SIL1: variants seen among roughly 807,000 people sequenced by gnomAD.
The protein encoded by SIL1 is SIL1 nucleotide exchange factor, also known as nucleotide exchange factor SIL1.
Under a neutral mutation model 49.1 loss-of-function variants are expected in SIL1, and 40 were observed. The ratio of observed to expected loss-of-function variants is 0.81; its 90% CI spans 0.63 to 1.06. SIL1 has a LOEUF of 1.06. SIL1 is among the 50% of genes least tolerant of loss of function. The pLI is 0.00. For missense variants in SIL1, 500 were observed against 572.6 expected (o/e 0.87, Z 1.29); for synonymous variants, 253 against 250.8 (o/e 1.01, Z -0.08).
chr5:139,113,713 C>A (rs1030419271), intron 3 of SIL1, among the ~76,000 whole-genome samples: 1 of 152,218 alleles, frequency 6.6e-6, no homozygotes, highest in Admixed American at 6.5e-5. Flanking sequence ...TTAGTCTTAA[C>A]CGTGGAGATG....
intron 4 of SIL1, among the ~76,000 whole-genome samples, chr5:139,050,381 C>T (rs1474752951): frequency 3.9e-5 from 6 of 152,144 alleles, no homozygotes; most frequent in Admixed American, 1.3e-4. Context: ...AAAATAGTGA[C>T]ACTGAATTCT....
chr5:139,061,211 T>A (rs1170281899), intron 3 of SIL1, among the ~76,000 whole-genome samples: 1 of 152,224 alleles, frequency 6.6e-6, no homozygotes, highest in Non-Finnish European at 1.5e-5. Context: ...GGACTCCCAG[T>A]GACAGGGCCT....
intron 1 of SIL1, among the ~76,000 whole-genome samples, chr5:139,197,458 C>T (rs1752299381): frequency 6.6e-6 from 1 of 152,092 alleles, no homozygotes; most frequent in African/African-American, 2.4e-5. Flanking sequence ...CGAAGCCAGG[C>T]ATTTAAGAAT....
intron 3 of SIL1, among the ~76,000 whole-genome samples, chr5:139,067,077 G>A (rs550705368): frequency 2.0e-5 from 3 of 152,290 alleles, no homozygotes; most frequent in Admixed American, 6.5e-5. Context: ...AATGTCCATT[G>A]TGTATATGTT....
chr5:139,177,320 A>G (rs1174063827), intron 1 of SIL1, among the ~76,000 whole-genome samples: 1 of 151,734 alleles, frequency 6.6e-6, no homozygotes, highest in Admixed American at 6.6e-5. Context: ...GCTCACTGCA[A>G]CCTCCGCCTC....
rs937034861 is a variant in SIL1 at position 139,037,101 on chromosome 5, G to A, written c.453+5519C>T. Reference sequence around the variant, plus strand: ...CCTTTCACTCCTGAAATATATTCACGGCTATAAAATTCTGTGTGGACAGTT... The same window carrying A: ...CCTTTCACTCCTGAAATATATTCACAGCTATAAAATTCTGTGTGGACAGTT... On this transcript the variant is annotated intron_variant, in intron 5 of 9. Transcript: ENST00000394817. Among the ~76,000 whole-genome samples, 28 of 148,510 alleles carry A rather than the reference G, an allele frequency of 1.9e-4. 2 individuals are homozygous for A. Among genetic ancestry groups the A allele is most frequent in the African/African-American group, 6.6e-4 (25 of 38,014 alleles).
At chr5:139,020,701 A>G (rs1334955365) in intron 7 of SIL1, among the ~76,000 whole-genome samples, 1 of 152,200 alleles carries the variant, frequency 6.6e-6, no homozygotes, top group African/African-American at 2.4e-5. Flanking sequence ...GAAATTCTCA[A>G]CAATTTCCAA....
intron 7 of SIL1, among the ~76,000 whole-genome samples, chr5:139,017,480 C>T (rs543804794): frequency 6.6e-6 from 1 of 152,142 alleles, no homozygotes; most frequent in African/African-American, 2.4e-5. Flanking sequence ...GTACTGCAAA[C>T]ATGAATGCTT....
chr5:139,082,543 A>G (rs909411502), intron 3 of SIL1, among the ~76,000 whole-genome samples: 1 of 152,258 alleles, frequency 6.6e-6, no homozygotes, highest in African/African-American at 2.4e-5. Context: ...CAAAGCAGAC[A>G]TTATTAAAGC....
At chr5:139,022,669 A>C (rs961638442) in intron 6 of SIL1, 2 of 152,262 alleles carry the variant, frequency 1.3e-5, no homozygotes, top group Admixed American at 6.5e-5. Context: ...GCAGACATGA[A>C]GTAATGGCTA....
At chr5:139,055,542 G>A (rs1236020778) in intron 3 of SIL1, among the ~76,000 whole-genome samples, 1 of 151,890 alleles carries the variant, frequency 6.6e-6, no homozygotes, top group Admixed American at 6.6e-5. Context: ...AAATGTGCTT[G>A]CATGGTTGTA....
At chr5:139,085,485 G>C (rs1016888425) in intron 3 of SIL1, among the ~76,000 whole-genome samples, 1 of 152,168 alleles carries the variant, frequency 6.6e-6, no homozygotes, top group Admixed American at 6.5e-5. Flanking sequence ...GTAGGGAGCT[G>C]TTGGCATGGC....
At chr5:138,990,387 G>A (rs532763217) in intron 7 of SIL1, among the ~76,000 whole-genome samples, 35 of 152,266 alleles carry the variant, frequency 2.3e-4, no homozygotes, top group African/African-American at 7.2e-4. Context: ...ACCGTAGAAG[G>A]TAACCTGGGG....
At chr5:139,180,342 T>C (rs1247364511) in intron 1 of SIL1, among the ~76,000 whole-genome samples, 6 of 142,174 alleles carry the variant, frequency 4.2e-5, no homozygotes, top group African/African-American at 1.3e-4. Context: ...GATCACGCCA[T>C]TGCAATCCAG....
At chr5:139,051,396 A>G (rs1769280900) in intron 3 of SIL1, among the ~76,000 whole-genome samples, 2 of 152,174 alleles carry the variant, frequency 1.3e-5, no homozygotes, top group Non-Finnish European at 2.9e-5. Context: ...AGTGGTAGAT[A>G]ACTACTCATT....
rs556700146 is a variant in SIL1, at chr5:139,092,806, G to A, written c.244+28229C>T. On this transcript the variant is annotated intron_variant, in intron 3 of 9. Coordinates refer to ENST00000394817, the MANE Select transcript of SIL1 (RefSeq NM_022464.5). Reference sequence around the variant, plus strand: ...TCATTCTTTGGGAAGTATATTCTATGGAAGCTTTAAAATATATTATGAGGT... The same window carrying A: ...TCATTCTTTGGGAAGTATATTCTATAGAAGCTTTAAAATATATTATGAGGT... Among the ~76,000 whole-genome samples, 11 of 152,232 alleles carry A rather than the reference G, an allele frequency of 7.2e-5. No individual in the cohort carries two copies. In the East Asian group the frequency reaches 1.7e-3, roughly 24 times the overall value.
chr5:138,974,729 G>A (rs192357558), intron 7 of SIL1, among the ~76,000 whole-genome samples: 42 of 152,248 alleles, frequency 2.8e-4, no homozygotes, highest in Admixed American at 6.5e-4. Context: ...CTCCTCTCTC[G>A]GTCTCACTCA....
intron 5 of SIL1, among the ~76,000 whole-genome samples, chr5:139,032,723 A>C (rs1474411270): frequency 6.6e-6 from 1 of 152,188 alleles, no homozygotes; most frequent in Non-Finnish European, 1.5e-5. Flanking sequence ...TTTCACTACA[A>C]ATTCAAGTTT....
chr5:139,137,412 G>A (rs1468089123), intron 1 of SIL1: 19 of 699,366 alleles, frequency 2.7e-5, no homozygotes, highest in Admixed American at 6.0e-5. Context: ...TTCCATAGCC[G>A]TGCTGTCTCT....
Sources: allele counts gnomAD v4.1 joint callset (sites outside exome capture counted in the v4.1 genomes callset), GRCh38; gene constraint gnomAD v4.1.1; transcripts MANE v1.5; gene names NCBI Gene and HGNC (gene_info 2026-07-23, HGNC 2026-07-21).